Variants in PTPRG observed in about 807,000 individuals in gnomAD.
PTPRG encodes protein tyrosine phosphatase receptor type G, also known as receptor-type tyrosine-protein phosphatase gamma.
Under a neutral mutation model 165.3 loss-of-function variants are expected in PTPRG, and 102 were observed. That is an observed-to-expected ratio of 0.62 (90% CI 0.53 to 0.73). The LOEUF is 0.73. PTPRG is among the 30% of genes least tolerant of loss of function. PTPRG has a pLI of 0.00. For synonymous variants in PTPRG, 675 were observed against 669.5 expected, an observed-to-expected ratio of 1.01 and a Z score of -0.13; for missense variants, 1,866 against 1,861.4, an observed-to-expected ratio of 1.00 and a Z score of -0.05.
intron 2 of PTPRG, among the ~76,000 whole-genome samples, chr3:61,869,829 G>A (rs2037513453): frequency 6.6e-6 from 1 of 152,044 alleles, no homozygotes; most frequent in South Asian, 2.1e-4. Flanking sequence ...TCAACCTTCT[G>A]GGCTTAAGCG....
chr3:62,090,651 A>G (rs1245617389), intron 5 of PTPRG, among the ~76,000 whole-genome samples: 2 of 152,334 alleles, frequency 1.3e-5, no homozygotes, highest in South Asian at 2.1e-4. Flanking sequence ...TTGAATATTA[A>G]CAATAGTAAA....
intron 6 of PTPRG, among the ~76,000 whole-genome samples, chr3:62,141,873 C>T (rs1165208392): frequency 6.6e-6 from 1 of 151,330 alleles, no homozygotes; most frequent in Non-Finnish European, 1.5e-5. Flanking sequence ...TGCACTCCAG[C>T]CTGGGTGACA....
At chr3:61,931,759 A>G (rs1237912789) in intron 2 of PTPRG, among the ~76,000 whole-genome samples, 3 of 152,208 alleles carry the variant, frequency 2.0e-5, no homozygotes, top group Non-Finnish European at 4.4e-5. Context: ...AAACAAAAAC[A>G]CCAGGAGATT....
chr3:61,643,361 T>C (rs1458498933), intron 1 of PTPRG, among the ~76,000 whole-genome samples: 1 of 152,096 alleles, frequency 6.6e-6, no homozygotes, highest in African/African-American at 2.4e-5. Context: ...AGATCCCAAT[T>C]CAAATGAATT....
chr3:61,850,174 TA>T (rs1229020422), intron 2 of PTPRG, among the ~76,000 whole-genome samples: 35 of 152,290 alleles, frequency 2.3e-4, no homozygotes, highest in African/African-American at 8.2e-4. Flanking sequence ...TTTTATTTTT[TA>T]TTTTTGAAAC....
chr3:61,795,614 T>TGGTTGACA (rs2035018585), intron 2 of PTPRG, among the ~76,000 whole-genome samples: 1 of 125,526 alleles, frequency 8.0e-6, no homozygotes, highest in Admixed American at 9.3e-5. Flanking sequence ...CACTCCAGCC[T>TGGTTGACA]GGGTGACAGA....
At chr3:61,823,308 A>G (rs1575694102) in intron 2 of PTPRG, among the ~76,000 whole-genome samples, 1 of 152,180 alleles carries the variant, frequency 6.6e-6, no homozygotes, top group Non-Finnish European at 1.5e-5. Context: ...CTCCTGCCTC[A>G]GCCTCCTAAG....
chr3:62,216,149 C>T (rs1456743308), intron 12 of PTPRG, among the ~76,000 whole-genome samples: 2 of 148,208 alleles, frequency 1.3e-5, no homozygotes, highest in African/African-American at 2.5e-5. Flanking sequence ...GCGTGGGAGG[C>T]GGAGGTTGCA....
intron 1 of PTPRG, among the ~76,000 whole-genome samples, chr3:61,576,850 T>C (rs1326040810): frequency 6.6e-6 from 1 of 152,224 alleles, no homozygotes; most frequent in Non-Finnish European, 1.5e-5. Context: ...ATATTTTAAT[T>C]GGTAAGATCC....
chr3:62,166,232 T>C (rs939182285), intron 7 of PTPRG, among the ~76,000 whole-genome samples: 2 of 126,472 alleles, frequency 1.6e-5, no homozygotes, highest in African/African-American at 6.3e-5. Context: ...TTTTTTTTTT[T>C]TGGTGACAAG....
chr3:61,942,984 C>G (rs1323152675), intron 2 of PTPRG, among the ~76,000 whole-genome samples: 1 of 152,186 alleles, frequency 6.6e-6, no homozygotes, highest in Non-Finnish European at 1.5e-5. Context: ...ACAGATTTGT[C>G]TCACATCTGG....
At position 61,707,748 on chromosome 3, in the gene PTPRG, T is replaced by A. The variant is rs140064298; in HGVS notation, c.86-41130T>A. Among the ~76,000 whole-genome samples, 769 of 152,350 alleles carry A rather than the reference T, an allele frequency of 5.0e-3. 8 individuals carry two copies. Among genetic ancestry groups the A allele is most frequent in the African/African-American group, 0.017 (725 of 41,592 alleles). On this transcript the variant is annotated intron_variant, in intron 1 of 29. Coordinates refer to ENST00000474889, the MANE Select transcript of PTPRG (RefSeq NM_002841.4). ...CCCAGTCAAGTTGACACATAAACTT[T>A]ACCGTCATAGTATTTAAGGATATTT...
chr3:62,195,511 T>C lies in PTPRG; in HGVS notation c.1327+341T>C, dbSNP rs1037965223. ...AAGTTGTACCGCTGAATATCCTCTT[T>C]GTCTTTCTAACGTGATTCAGTTAGC... On this transcript the variant is annotated intron_variant, in intron 10 of 29. Coordinates refer to ENST00000474889, the MANE Select transcript of PTPRG (RefSeq NM_002841.4). This position sits in a 1 kb window ranked among gnomAD's most constrained non-coding sequence, Gnocchi z 4.4. Among the ~76,000 whole-genome samples the C allele has an allele frequency of 6.6e-6, 1 of 152,196 alleles. No individual in the cohort carries two copies. Among genetic ancestry groups the C allele is most frequent in the African/African-American group, 2.4e-5 (1 of 41,460 alleles).
At chr3:61,814,510 C>A (rs2035696609) in intron 2 of PTPRG, among the ~76,000 whole-genome samples, 1 of 151,720 alleles carries the variant, frequency 6.6e-6, no homozygotes, top group Non-Finnish European at 1.5e-5. Context: ...CTCTAGTAGC[C>A]CCGTATGTTT....
At chr3:62,028,559 C>T (rs536402839) in intron 4 of PTPRG, among the ~76,000 whole-genome samples, 3 of 152,254 alleles carry the variant, frequency 2.0e-5, no homozygotes, top group South Asian at 4.1e-4. Flanking sequence ...GCCTTGCCAC[C>T]GTATTATGTT....
chr3:62,248,050 CTT>C (rs1701329330), intron 15 of PTPRG, among the ~76,000 whole-genome samples: 1 of 151,896 alleles, frequency 6.6e-6, no homozygotes, highest in African/African-American at 2.4e-5. Flanking sequence ...TCACCTAACA[CTT>C]ATGCAAAATA....
intron 6 of PTPRG, among the ~76,000 whole-genome samples, chr3:62,138,714 C>CAAAAAAAAAA (rs563632840): frequency 7.7e-5 from 7 of 91,374 alleles, no homozygotes; most frequent in Admixed American, 5.5e-4. Context: ...GGCAAAGCTC[C>CAAAAAAAAAA]AAAAAAAAAA....
intron 2 of PTPRG, among the ~76,000 whole-genome samples, chr3:61,946,801 T>A (rs751148486): frequency 6.6e-6 from 1 of 152,230 alleles, no homozygotes; most frequent in Non-Finnish European, 1.5e-5. Context: ...TTAAGCACAC[T>A]GAATTTGTAG....
chr3:61,624,168 G>C (rs1270233294), intron 1 of PTPRG, among the ~76,000 whole-genome samples: 2 of 152,122 alleles, frequency 1.3e-5, no homozygotes, highest in African/African-American at 4.8e-5. Context: ...TGGGGATTAA[G>C]ATAATCCTGT....
Sources: gnomAD v4.1 joint callset for allele counts (sites outside exome capture counted in the v4.1 genomes callset) on GRCh38, gnomAD v4.1.1 for gene constraint, Gnocchi (gnomAD v3.1) non-coding constraint, MANE v1.5 for transcripts, NCBI Gene and HGNC (gene_info 2026-07-23, HGNC 2026-07-21) for gene names.